CSMD1: variants seen among roughly 807,000 people sequenced by gnomAD.
CSMD1 encodes CUB and Sushi multiple domains 1.
A neutral mutation model predicts 417.5 loss-of-function variants in CSMD1; 213 were observed. That is an observed-to-expected ratio of 0.51 (90% CI 0.46 to 0.57). The LOEUF is 0.57. CSMD1 is among the 20% of genes least tolerant of loss of function. The pLI is 0.00. For synonymous variants in CSMD1, 2,862 were observed against 1,736.8 expected (o/e 1.65, Z -16.11); for missense variants, 6,923 against 4,529.7 (o/e 1.53, Z -15.17).
At chr8:3,996,208 A>G (rs1585101311) in intron 5 of CSMD1, among the ~76,000 whole-genome samples, 1 of 152,186 alleles carries the variant, frequency 6.6e-6, no homozygotes, top group Admixed American at 6.5e-5. Context: ...CCAACCTGAC[A>G]TCTTACTAGC....
intron 4 of CSMD1, among the ~76,000 whole-genome samples, chr8:4,005,137 G>A (rs1172075597): frequency 6.6e-6 from 1 of 152,132 alleles, no homozygotes; most frequent in East Asian, 1.9e-4. Context: ...AGATTTGGGG[G>A]GAAGAGTGGG....
chr8:4,037,285 T>A (rs1440882799), intron 3 of CSMD1, among the ~76,000 whole-genome samples: 1 of 152,176 alleles, frequency 6.6e-6, no homozygotes, highest in Admixed American at 6.5e-5. Flanking sequence ...GTGGGAAAAT[T>A]GGTCTTGTCT....
chr8:4,680,543 T>C (rs777226943), intron 1 of CSMD1, among the ~76,000 whole-genome samples: 11 of 152,136 alleles, frequency 7.2e-5, no homozygotes, highest in Non-Finnish European at 1.3e-4. Flanking sequence ...CTGCTGATGG[T>C]GAGCCAGCTT....
chr8:4,044,897 A>C (rs370018207), intron 3 of CSMD1, among the ~76,000 whole-genome samples: 1 of 151,856 alleles, frequency 6.6e-6, no homozygotes, highest in African/African-American at 2.4e-5. Flanking sequence ...GCCCAGACTG[A>C]CTTCTCCCAC....
intron 3 of CSMD1, among the ~76,000 whole-genome samples, chr8:4,346,546 G>C (rs1008940049): frequency 2.6e-5 from 4 of 152,096 alleles, no homozygotes; most frequent in African/African-American, 9.7e-5. Context: ...AAAACTTTCA[G>C]TCTTTGGGCT....
chr8:3,968,607 G>A lies in CSMD1; in HGVS notation c.818+29296C>T, dbSNP rs983003912. On this transcript the variant is annotated intron_variant, in intron 5 of 69. Transcript: ENST00000635120. ...TATTTCAGATGGAATATTCGCTAAG[G>A]AAGATGTCTTTCTCTACATAGAACA... Among the ~76,000 whole-genome samples the A allele has an allele frequency of 2.6e-5, 4 of 152,268 alleles. No homozygotes were observed. The South Asian group carries it at 8.3e-4, about 32-fold the overall frequency.
intron 1 of CSMD1, among the ~76,000 whole-genome samples, chr8:4,646,427 G>T (rs1055788339): frequency 6.6e-6 from 1 of 152,130 alleles, no homozygotes; most frequent in Non-Finnish European, 1.5e-5. Flanking sequence ...TTGTGGCAGT[G>T]AATGAATGTA....
intron 2 of CSMD1, among the ~76,000 whole-genome samples, chr8:4,533,956 A>G (rs1045226001): frequency 1.3e-5 from 2 of 149,298 alleles, no homozygotes; most frequent in East Asian, 3.9e-4. Context: ...ATTTATATAT[A>G]TAAATATAAA....
chr8:4,289,596 C>A (rs886470340), intron 3 of CSMD1, among the ~76,000 whole-genome samples: 1 of 152,168 alleles, frequency 6.6e-6, no homozygotes, highest in South Asian at 2.1e-4. Flanking sequence ...CTGGCAGTGA[C>A]GATGGTGCCG....
intron 2 of CSMD1, among the ~76,000 whole-genome samples, chr8:4,442,954 G>A (rs1798568800): frequency 6.6e-6 from 1 of 152,020 alleles, no homozygotes; most frequent in Non-Finnish European, 1.5e-5. Context: ...TGTATCTACA[G>A]CACCACAGGT....
chr8:3,566,451 G>A (rs771732202), intron 10 of CSMD1, among the ~76,000 whole-genome samples: 49 of 152,068 alleles, frequency 3.2e-4, no homozygotes, highest in Middle Eastern at 3.4e-3. Context: ...AGGGACCACC[G>A]TACCGCTCCT....
At chr8:3,114,100 C>T (rs1254382618) in intron 42 of CSMD1, among the ~76,000 whole-genome samples, 1 of 152,020 alleles carries the variant, frequency 6.6e-6, no homozygotes, top group Admixed American at 6.6e-5. Flanking sequence ...ATTAATTATC[C>T]ATGCATGCGA....
chr8:3,250,268 C>G (rs552149143), intron 26 of CSMD1, among the ~76,000 whole-genome samples: 3 of 152,122 alleles, frequency 2.0e-5, no homozygotes, highest in African/African-American at 4.8e-5. Flanking sequence ...TCCATGTGTA[C>G]TCATTGTTCA....
chr8:3,916,421 A>G (rs1314723193), intron 5 of CSMD1, among the ~76,000 whole-genome samples: 6 of 152,318 alleles, frequency 3.9e-5, no homozygotes, highest in South Asian at 2.1e-4. Flanking sequence ...AACTGTCTTA[A>G]CAAATGACAA....
rs187637388 is a variant in CSMD1 at position 4,271,257 on chromosome 8, C to A, written c.415+148696G>T. Among the ~76,000 whole-genome samples the A allele has an allele frequency of 8.7e-4, 132 of 152,242 alleles. 1 individual carries two copies. Among genetic ancestry groups the A allele is most frequent in the South Asian group, 2.5e-3 (12 of 4,816 alleles). ...ATCAGGGCGTAGTGGACACTCAGGA[C>A]CATGAAGCTGTAGGGGTTGGTGCCC... On this transcript the variant is annotated intron_variant, in intron 3 of 69. Coordinates refer to ENST00000635120, the MANE Select transcript of CSMD1 (RefSeq NM_033225.6).
In CSMD1 at chr8:4,787,453, G is replaced by C. The variant is rs544172563; in HGVS notation, c.86-149895C>G. 244 of 777,454 alleles carry C rather than the reference G, an allele frequency of 3.1e-4. No homozygotes were observed. The Middle Eastern group carries it at 4.3e-3, about 14-fold the overall frequency. The allele number at this position is 777,454 out of a possible 1,614,324, so 48.2% of individuals were successfully genotyped here. On this transcript the variant is annotated intron_variant, in intron 1 of 69. Transcript: ENST00000635120. ...TTACAGCAGGAAATGTAGCTAGAAA[G>C]AATCACCTGGAAGGAAAAGCTGCAA...
chr8:4,325,475 C>T (rs552106392), intron 3 of CSMD1, among the ~76,000 whole-genome samples: 2 of 152,168 alleles, frequency 1.3e-5, no homozygotes, highest in Admixed American at 1.3e-4. Flanking sequence ...TACTTTCAAG[C>T]GCTTCCTGTG....
At chr8:4,871,495 C>A (rs1014517312) in intron 1 of CSMD1, among the ~76,000 whole-genome samples, 2 of 152,040 alleles carry the variant, frequency 1.3e-5, no homozygotes, top group African/African-American at 4.8e-5. Context: ...GACCCAACGC[C>A]CGTGTATCTG....
chr8:3,881,645 A>G (rs558419561), intron 5 of CSMD1, among the ~76,000 whole-genome samples: 1,860 of 151,474 alleles, frequency 0.012, 42 homozygotes, highest in African/African-American at 0.042. Flanking sequence ...CAAACAAACA[A>G]ACAAAAACCA....
Sources: allele counts gnomAD v4.1 joint callset (sites outside exome capture counted in the v4.1 genomes callset), GRCh38; gene constraint gnomAD v4.1.1; transcripts MANE v1.5; gene names NCBI Gene and HGNC (gene_info 2026-07-23, HGNC 2026-07-21).